PSD: variants seen among roughly 807,000 people sequenced by gnomAD.
PSD encodes pleckstrin and Sec7 domain containing, also known as PH and SEC7 domain-containing protein 1.
PSD carries 32 observed loss-of-function variants against 91.6 expected under a neutral mutation model. The ratio of observed to expected loss-of-function variants is 0.35; its 90% confidence interval spans 0.26 to 0.47. The LOEUF is 0.47. Ranked by LOEUF, PSD falls within the 20% of genes least tolerant of loss-of-function variation. PSD has a pLI of 1.00. For synonymous variants in PSD, 532 were observed against 569.3 expected (o/e 0.93, Z 0.93); for missense variants, 1,099 against 1,373.9 (o/e 0.80, Z 3.16).
At chr10:102,406,315 C>T (rs2061360408) in intron 11 of PSD, among the ~76,000 whole-genome samples, 1 of 152,204 alleles carries the variant, frequency 6.6e-6, no homozygotes, top group African/African-American at 2.4e-5. Context: ...TCTCCAATGA[C>T]TGGGAACTCC....
chr10:102,412,111 A>G, intron 7 of PSD, 36 bp downstream of exon 7: 2 of 1,598,624 alleles, frequency 1.3e-6, no homozygotes, highest in Non-Finnish European at 8.6e-7. Flanking sequence ...CGAACCCCGG[A>G]GAGTGGGGGC....
chr10:102,406,508 CT>C (rs1192531225), intron 11 of PSD, among the ~76,000 whole-genome samples: 160 of 140,058 alleles, frequency 1.1e-3, no homozygotes, highest in East Asian at 1.6e-3. Context: ...TTTCTTTTTT[CT>C]TTTTTTTTTT....
Position 102,410,131 on chromosome 10 carries a change from C to A in PSD, c.2091+727G>T, listed in dbSNP as rs1046709268. 6.6e-6 allele frequency among the ~76,000 whole-genome samples: 1 copy of A among 152,214 alleles called. No individual in the cohort carries two copies. Among genetic ancestry groups the A allele is most frequent in the Non-Finnish European group, 1.5e-5 (1 of 68,042 alleles). On this transcript the variant is annotated intron_variant, in intron 10 of 16. Transcript: ENST00000020673. The surrounding 1 kb of genome is among the most constrained non-coding windows in gnomAD (Gnocchi z 6.0). The stretch of plus-strand genomic sequence containing the variant: ...TTACATGTATGTAGTGGAGCAGAGA[C>A]ACCTTTGTCCTAGCCTGGGGGTTTC...
chr10:102,413,873 C>T lies in PSD; in HGVS notation c.1449G>A (p.Glu483=). The T allele has an allele frequency of 6.2e-7, 1 of 1,614,118 alleles. No individual in the cohort carries two copies. Among genetic ancestry groups the T allele is most frequent in the Non-Finnish European group, 8.5e-7 (1 of 1,179,980 alleles). The part of the protein sequence containing the change: ...AADGPWTQRG[E]EEEAEARAKL... The stretch of plus-strand genomic sequence containing the variant: ...TGGCTCTGGCCTCTGCCTCCTCCTC[C>T]TCCCCTCTCTGTGTCCAAGGACCAT... Residue 483 remains glutamate, a synonymous_variant, in exon 5 of 17, where the codon GAG becomes GAA. Coordinates refer to ENST00000020673, the MANE Select transcript of PSD (RefSeq NM_002779.5).
chr10:102,414,330 A>G lies in PSD; in HGVS notation c.1125-133T>C. On this transcript the variant is annotated intron_variant, in intron 4 of 16. Coordinates refer to ENST00000020673, the MANE Select transcript of PSD (RefSeq NM_002779.5). This position sits in a 1 kb window ranked among gnomAD's most constrained non-coding sequence, Gnocchi z 5.6. ...TCACTGGCTCCAGCCCACTAACAAA[A>G]AAGAGCCTCTAGGGTAGGGCGCCAA... is the stretch of plus-strand genomic sequence containing the variant. 1 of 918,604 alleles carries G rather than the reference A, an allele frequency of 1.1e-6. No homozygotes were observed. The highest frequency in any genetic ancestry group is 1.8e-5 in the South Asian group (1 of 54,752). 56.9% of individuals were successfully genotyped at this position (918,604 alleles called of 1,614,324 possible).
chr10:102,415,047 C>G lies in PSD; in HGVS notation c.940G>C (p.Ala314Pro). Residue 314 changes from alanine to proline, a missense_variant, in exon 4 of 17, where the codon GCC becomes CCC. Ala to Pro is a conservative substitution (Grantham distance 27). Transcript: ENST00000020673. Reference protein sequence around the residue: ...VLAEREEADSAIESQPSSEGP... With the variant: ...VLAEREEADSPIESQPSSEGP... Reference sequence around the variant, plus strand: ...TCAGAGCTGGGCTGACTTTCGATGGCCGAGTCGGCCTCCTCCCGCTCAGCC... The same window carrying G: ...TCAGAGCTGGGCTGACTTTCGATGGGCGAGTCGGCCTCCTCCCGCTCAGCC... The G allele has an allele frequency of 1.2e-6, 2 of 1,613,920 alleles. No homozygotes were observed. Among genetic ancestry groups the G allele is most frequent in the Non-Finnish European group, 1.7e-6 (2 of 1,179,908 alleles).
rs1385092554 is a variant in PSD at position 102,414,874 on chromosome 10, A to G, written c.1113T>C (p.Ser371=). Residue 371 remains serine, a synonymous_variant, in exon 4 of 17, where the codon TCT becomes TCC. Coordinates refer to ENST00000020673, the MANE Select transcript of PSD (RefSeq NM_002779.5). This position sits in a 1 kb window ranked among gnomAD's most constrained non-coding sequence, Gnocchi z 5.6. The part of the protein sequence containing the change: ...EDVDDEVFEA[S]EGARPGSRMP... ...ACTTCCCCACTCACCGGGCCCCTTC[A>G]GAGGCCTCAAACACCTCGTCGTCCA... 4 of 1,496,302 alleles carry G rather than the reference A, an allele frequency of 2.7e-6. No homozygotes were observed. The highest frequency in any genetic ancestry group is 1.3e-5 in the South Asian group (1 of 75,072). The allele number at this position is 1,496,302 out of a possible 1,614,324, so 92.7% of individuals were successfully genotyped here.
At position 102,410,881 on chromosome 10, in the gene PSD, C is replaced by G; in HGVS notation, c.2068G>C (p.Asp690His). Residue 690 changes from aspartate (D) to histidine (H), a missense_variant, in exon 10 of 17, where the codon GAC becomes CAC. Asp to His is a moderately conservative substitution (Grantham distance 81). Around this residue, in one of 3 missense-constraint regions of PSD, gnomAD observed 110 missense variants for 218.7 expected, o/e 0.50. Coordinates refer to ENST00000020673, the MANE Select transcript of PSD (RefSeq NM_002779.5). The surrounding 1 kb of genome is among the most constrained non-coding windows in gnomAD (Gnocchi z 6.0). ...GNLEGLNDGG[D>H]FPRELLKALY... ...ACCTTGAGCAGCTCCCTAGGGAAGTCGCCGCCATCATTGAGGCCCTCCAGG... is the reference window on the plus strand; with the variant it reads ...ACCTTGAGCAGCTCCCTAGGGAAGTGGCCGCCATCATTGAGGCCCTCCAGG... 6.2e-7 allele frequency: 1 copy of G among 1,613,612 alleles called. No individual in the cohort carries two copies. Among genetic ancestry groups the G allele is most frequent in the South Asian group, 1.1e-5 (1 of 91,066 alleles).
In PSD at chr10:102,417,041, TG is replaced by T. The variant is rs1565230069; in HGVS notation, c.-4del. ...AAGCGCATGGCACCCTGGGCCATGC[TG>T]GGGCCGGGGGTCAGGCTGGGGGGGC... On this transcript the variant is annotated 5_prime_UTR_variant, in exon 2 of 17. Coordinates refer to ENST00000020673, the MANE Select transcript of PSD (RefSeq NM_002779.5). 3.3e-5 allele frequency: 41 copies of T among 1,233,138 alleles called. No homozygotes were observed. The highest frequency in any genetic ancestry group is 3.9e-5 in the Non-Finnish European group (38 of 983,714). The allele number at this position is 1,233,138 out of a possible 1,614,324, so 76.4% of individuals were successfully genotyped here.
rs138645020 is a variant in PSD, at chr10:102,414,103, C to T, written c.1219G>A (p.Glu407Lys). ...DGPDSFSCVF[E>K]AILESHRAKG... is the part of the protein sequence containing the mutation. ...GCCCGGTGTGACTCCAGGATGGCTT[C>T]GAACACACAACTGAAAGAGTCAGGC... Residue 407 changes from glutamate to lysine, a missense_variant, in exon 5 of 17, where the codon GAA becomes AAA. By Grantham distance (56) the Glu-to-Lys change is moderately conservative (BLOSUM62 1). Around this residue, in one of 3 missense-constraint regions of PSD, gnomAD observed 631 missense variants for 728.8 expected, o/e 0.87. Coordinates refer to ENST00000020673, the MANE Select transcript of PSD (RefSeq NM_002779.5). This position sits in a 1 kb window ranked among gnomAD's most constrained non-coding sequence, Gnocchi z 5.6. 6.2e-6 allele frequency: 10 copies of T among 1,613,962 alleles called. No individual in the cohort carries two copies. The highest frequency in any genetic ancestry group is 8.5e-6 in the Non-Finnish European group (10 of 1,179,982).
In PSD at chr10:102,414,236, T is replaced by G; in HGVS notation, c.1125-39A>C. ...GAGAATCTCTGATTAGGGGCCCAGA[T>G]CACAGGGCTGGGGCAGGATTTCACT... On this transcript the variant is annotated intron_variant, in intron 4 of 16. Transcript: ENST00000020673. This position sits in a 1 kb window ranked among gnomAD's most constrained non-coding sequence, Gnocchi z 5.6. The G allele has an allele frequency of 6.5e-7, 1 of 1,533,644 alleles. No homozygotes were observed. The highest frequency in any genetic ancestry group is 1.2e-5 in the South Asian group (1 of 83,868).
chr10:102,403,608 C>A lies in PSD; in HGVS notation c.2845-178G>T, dbSNP rs2061313690. 6.6e-6 allele frequency among the ~76,000 whole-genome samples: 1 copy of A among 152,190 alleles called. No individual in the cohort carries two copies. The highest frequency in any genetic ancestry group is 2.4e-5 in the African/African-American group (1 of 41,448). On this transcript the variant is annotated intron_variant, in intron 16 of 16. Coordinates refer to ENST00000020673, the MANE Select transcript of PSD (RefSeq NM_002779.5). The surrounding 1 kb of genome is among the most constrained non-coding windows in gnomAD (Gnocchi z 6.7). ...GCTCTCCTGGGACCATCATCTATAA[C>A]CTAATGTGTCTTGAGCCTTTACTAG...
chr10:102,417,660 G>C (rs2061497660), intron 1 of PSD, among the ~76,000 whole-genome samples: 1 of 151,972 alleles, frequency 6.6e-6, no homozygotes, highest in Admixed American at 6.6e-5. Flanking sequence ...CTGAGCAGAG[G>C]CTCCTACCCC....
In PSD at chr10:102,410,384, C is replaced by G. The variant is rs2061412806; in HGVS notation, c.2091+474G>C. On this transcript the variant is annotated intron_variant, in intron 10 of 16. Transcript: ENST00000020673. This position sits in a 1 kb window ranked among gnomAD's most constrained non-coding sequence, Gnocchi z 6.0. ...AACTCGCTGCCAGACCTTGGAAAAGCTTAGTCCCTCTCAGGCCCCTCTCCC... is the reference window on the plus strand; with the variant it reads ...AACTCGCTGCCAGACCTTGGAAAAGGTTAGTCCCTCTCAGGCCCCTCTCCC... Among the ~76,000 whole-genome samples, 1 of 152,256 alleles carries G rather than the reference C, an allele frequency of 6.6e-6. No homozygotes were observed. The highest frequency in any genetic ancestry group is 1.5e-5 in the Non-Finnish European group (1 of 68,042).
intron 3 of PSD, 107 bp downstream of exon 3, chr10:102,415,910 G>A: frequency 1.3e-6 from 1 of 774,414 alleles, no homozygotes; most frequent in East Asian, 2.7e-5. Context: ...TGACTCAAGA[G>A]CCAATTCCAA....
intron 1 of PSD, among the ~76,000 whole-genome samples, chr10:102,418,202 C>G (rs539170707): frequency 1.3e-5 from 2 of 151,908 alleles, no homozygotes; most frequent in African/African-American, 4.8e-5. Flanking sequence ...CAAAGACACA[C>G]CCTCATGCAC....
In PSD at chr10:102,403,557, C is replaced by T; in HGVS notation, c.2845-127G>A. ...TGCCCACCCAGGACTGTGAGATGGT[C>T]CCATGCGGGCTGGTGCCCCCTCTGG... On this transcript the variant is annotated intron_variant, in intron 16 of 16. Transcript: ENST00000020673. The surrounding 1 kb of genome is among the most constrained non-coding windows in gnomAD (Gnocchi z 6.7). 5 of 948,270 alleles carry T rather than the reference C, an allele frequency of 5.3e-6. No individual in the cohort carries two copies. Among genetic ancestry groups the T allele is most frequent in the Non-Finnish European group, 6.2e-6 (4 of 649,702 alleles). 58.7% of individuals were successfully genotyped at this position (948,270 alleles called of 1,614,324 possible).
In PSD at chr10:102,405,314, A is replaced by G. The variant is rs2061347650; in HGVS notation, c.2326+32T>C. On this transcript the variant is annotated intron_variant, in intron 12 of 16. Coordinates refer to ENST00000020673, the MANE Select transcript of PSD (RefSeq NM_002779.5). This position sits in a 1 kb window ranked among gnomAD's most constrained non-coding sequence, Gnocchi z 5.4. ...ACAGGCCCACTCCCATCCATCCCCT[A>G]GACGCCCGCCCCCCGCAACTCGGCC... is the stretch of plus-strand genomic sequence containing the variant. The G allele has an allele frequency of 1.9e-6, 3 of 1,607,706 alleles. No individual in the cohort carries two copies. In the African/African-American group the frequency reaches 4.0e-5, roughly 21 times the overall value.
At position 102,403,357 on chromosome 10, in the gene PSD, A is replaced by C. The variant is rs777157199; in HGVS notation, c.2918T>G (p.Val973Gly). 1 of 1,613,984 alleles carries C rather than the reference A, an allele frequency of 6.2e-7. No individual in the cohort carries two copies. The highest frequency in any genetic ancestry group is 1.1e-5 in the South Asian group (1 of 91,078). Residue 973 changes from valine (V) to glycine (G), a missense_variant, in exon 17 of 17, where the codon GTG becomes GGG. Val to Gly is a moderately radical substitution (Grantham distance 109). This residue lies in a region of PSD where 358 missense variants were observed against 426.5 expected (regional missense o/e 0.84). Coordinates refer to ENST00000020673, the MANE Select transcript of PSD (RefSeq NM_002779.5). The surrounding 1 kb of genome is among the most constrained non-coding windows in gnomAD (Gnocchi z 6.7). ...LKAGSEELDA[V>G]EAALAQAGST... The stretch of plus-strand genomic sequence containing the variant: ...CCCGGCCTGGGCCAGTGCTGCCTCC[A>C]CTGCATCCAGCTCCTCACTGCCTGC...
Sources: allele counts gnomAD v4.1 joint callset (sites outside exome capture counted in the v4.1 genomes callset), GRCh38; gene constraint gnomAD v4.1.1; regional missense constraint gnomAD v4.1.1; non-coding constraint Gnocchi (gnomAD v3.1); transcripts MANE v1.5; gene names NCBI Gene and HGNC (gene_info 2026-07-23, HGNC 2026-07-21).